The following CDKL4 variants were observed in gnomAD, a reference collection of about 807,000 sequenced individuals.
CDKL4 encodes the protein cyclin dependent kinase like 4.
CDKL4 carries 44 observed loss-of-function variants against 42.0 expected under a neutral mutation model. The ratio of observed to expected loss-of-function variants is 1.05; its 90% CI spans 0.82 to 1.35. The LOEUF (loss-of-function observed/expected upper bound fraction) is 1.35, where lower values mean the gene tolerates loss of function less well. Ranked by LOEUF, CDKL4 falls within the 40% of genes most tolerant of loss-of-function variation. CDKL4 has a pLI of 0.00. For missense variants in CDKL4, 393 were observed against 369.9 expected, an observed-to-expected ratio of 1.06 and a Z score of -0.51; for synonymous variants, 120 against 121.6, an observed-to-expected ratio of 0.99 and a Z score of 0.09.
intron 1 of CDKL4, among the ~76,000 whole-genome samples, chr2:39,233,736 C>A (rs1573029349): frequency 6.6e-6 from 1 of 150,838 alleles, no homozygotes; most frequent in South Asian, 2.1e-4. Flanking sequence ...CAAAAAAAAA[C>A]ACACAAAATC....
intron 5 of CDKL4, among the ~76,000 whole-genome samples, chr2:39,192,543 T>A (rs2148307587): frequency 6.6e-6 from 1 of 151,454 alleles, no homozygotes; most frequent in African/African-American, 2.4e-5. Flanking sequence ...AAAAAAATTT[T>A]TTTTTTTTTG....
At chr2:39,230,786 AT>A (rs1424601952) in intron 1 of CDKL4, among the ~76,000 whole-genome samples, 1 of 152,232 alleles carries the variant, frequency 6.6e-6, no homozygotes, top group Non-Finnish European at 1.5e-5. Context: ...AGTAGGTGTT[AT>A]TTTTATCCAA....
chr2:39,246,762 GA>G (rs1321132410), upstream of CDKL4, among the ~76,000 whole-genome samples: 4 of 150,290 alleles, frequency 2.7e-5, no homozygotes, highest in Admixed American at 2.6e-4. Context: ...TTTTTTTTTG[GA>G]AACAGAGGCT....
At chr2:39,205,143 C>A (rs774051480) in intron 4 of CDKL4, among the ~76,000 whole-genome samples, 7 of 151,858 alleles carry the variant, frequency 4.6e-5, no homozygotes, top group Non-Finnish European at 7.4e-5. Context: ...TCACACTGCA[C>A]AGAGCCTGAG....
At chr2:39,191,897 T>C (rs886516442) in intron 5 of CDKL4, among the ~76,000 whole-genome samples, 4 of 152,154 alleles carry the variant, frequency 2.6e-5, no homozygotes, top group African/African-American at 9.7e-5. Flanking sequence ...CTTGCAGAGA[T>C]GAGGTAATGG....
chr2:39,203,455 A>C (rs1361422202), intron 5 of CDKL4, among the ~76,000 whole-genome samples: 2 of 152,160 alleles, frequency 1.3e-5, no homozygotes, highest in African/African-American at 4.8e-5. Context: ...ATTTCCAGGA[A>C]AAAAACCCCA....
intron 9 of CDKL4, chr2:39,178,558 C>T (rs750149238): frequency 6.4e-7 from 1 of 1,551,050 alleles, no homozygotes; most frequent in South Asian, 1.2e-5. Flanking sequence ...TACGATTTAA[C>T]TTCAAAGTTT....
Position 39,184,667 on chromosome 2 carries a change from CA to C in CDKL4, c.736-21del. The C allele has an allele frequency of 6.4e-7, 1 of 1,565,328 alleles. No homozygotes were observed. The highest frequency in any genetic ancestry group is 8.8e-7 in the Non-Finnish European group (1 of 1,139,054). The stretch of plus-strand genomic sequence containing the variant: ...AGTTTCCTGAAAAACAAGGTTAAAA[CA>C]TTCAATATTACATAAGAACAAAGTA... On this transcript the variant is annotated intron_variant, in intron 7 of 9. Transcript: ENST00000451199.
intron 6 of CDKL4, 76 bp downstream of exon 6, chr2:39,190,223 TTATTTA>T: frequency 1.0e-6 from 1 of 957,108 alleles, no homozygotes; most frequent in South Asian, 2.4e-5. Flanking sequence ...TTTTTTATTT[TTATTTA>T]TTTATTTTTT....
Position 39,185,407 on chromosome 2 carries a change from TATATATA to T in CDKL4, c.736-767_736-761del, listed in dbSNP as rs1675749886. Among the ~76,000 whole-genome samples, 6 of 18,184 alleles carry T rather than the reference TATATATA, an allele frequency of 3.3e-4. 1 individual carries two copies. 11.9% of individuals were successfully genotyped at this position (18,184 alleles called of 152,430 possible). A position where few individuals can be genotyped will look rare whatever the true frequency, so the allele number is the denominator to read the frequency against. ...ATATACATGTATATATACATATGTGTATATATACATATATATATACATATGTATATAT... is the reference window on the plus strand; with the variant it reads ...ATATACATGTATATATACATATGTGTCATATATATATACATATGTATATAT... On this transcript the variant is annotated intron_variant, in intron 7 of 9. Transcript: ENST00000451199.
chr2:39,244,015 G>A (rs1679798678), upstream of CDKL4, among the ~76,000 whole-genome samples: 1 of 152,192 alleles, frequency 6.6e-6, no homozygotes, highest in African/African-American at 2.4e-5. Flanking sequence ...CCGGGCAACC[G>A]GAACGCTAGG....
the CDKL4 span, among the ~76,000 whole-genome samples, chr2:39,170,333 AAAAC>A: frequency 1.3e-5 from 2 of 151,776 alleles, no homozygotes; most frequent in South Asian, 2.1e-4. Flanking sequence ...AAGAAAAGAT[AAAAC>A]AAACAAACAC....
chr2:39,239,115 T>C (rs1479712594), intron 1 of CDKL4, among the ~76,000 whole-genome samples: 3 of 152,188 alleles, frequency 2.0e-5, no homozygotes, highest in Non-Finnish European at 4.4e-5. Context: ...TTTCAACAAA[T>C]GATACTAGGA....
At chr2:39,178,847 G>A in intron 9 of CDKL4, 1 of 1,508,582 alleles carries the variant, frequency 6.6e-7, no homozygotes, top group Non-Finnish European at 8.9e-7. Flanking sequence ...TGCAATGCTG[G>A]CAAAACTCAG....
intron 4 of CDKL4, among the ~76,000 whole-genome samples, chr2:39,208,694 G>A (rs959845371): frequency 1.3e-5 from 2 of 150,470 alleles, no homozygotes; most frequent in African/African-American, 2.4e-5. Context: ...TGTGGCTGAC[G>A]GGCAATCTTT....
At chr2:39,218,158 A>C (rs1678053856) in intron 3 of CDKL4, among the ~76,000 whole-genome samples, 1 of 151,824 alleles carries the variant, frequency 6.6e-6, no homozygotes, top group Admixed American at 6.6e-5. Context: ...GTTATGAGTA[A>C]TTTTCTGTGT....
intron 5 of CDKL4, among the ~76,000 whole-genome samples, chr2:39,202,097 T>C (rs558589905): frequency 6.6e-6 from 1 of 152,226 alleles, no homozygotes; most frequent in South Asian, 2.1e-4. Flanking sequence ...CTGGGTGTGG[T>C]GGCGGGTTCC....
intron 1 of CDKL4, among the ~76,000 whole-genome samples, chr2:39,232,839 A>T (rs1447171107): frequency 6.6e-6 from 1 of 151,874 alleles, no homozygotes; most frequent in Non-Finnish European, 1.5e-5. Flanking sequence ...AGGTCAGGGG[A>T]TCGAGACCAT....
At chr2:39,221,744 C>G (rs746880290) in intron 3 of CDKL4, among the ~76,000 whole-genome samples, 2 of 152,164 alleles carry the variant, frequency 1.3e-5, no homozygotes, top group African/African-American at 4.8e-5. Context: ...AGAGGAGTTG[C>G]TTGAACATGC....
Sources: gnomAD v4.1 joint callset for allele counts (sites outside exome capture counted in the v4.1 genomes callset) on GRCh38, gnomAD v4.1.1 for gene constraint, MANE v1.5 for transcripts, NCBI Gene and HGNC (gene_info 2026-07-23, HGNC 2026-07-21) for gene names.